Variants in RALY observed in about 807,000 individuals in gnomAD.
The protein encoded by RALY is RALY heterogeneous nuclear ribonucleoprotein.
RALY carries 15 observed loss-of-function variants against 30.7 expected under a neutral mutation model. That is an observed-to-expected ratio of 0.49 (90% CI 0.33 to 0.75). The LOEUF (loss-of-function observed/expected upper bound fraction) is 0.75. Among genes scored for constraint, RALY ranks in the 30% least tolerant of loss-of-function variants. The probability of loss-of-function intolerance (pLI) is 0.02; values close to 1 mark genes in which losing one functional copy is unlikely to be tolerated. For synonymous variants in RALY, 177 were observed against 170.8 expected (o/e 1.04, Z -0.28); for missense variants, 339 against 414.3 (o/e 0.82, Z 1.58).
chr20:34,070,974 C>A (rs1258186445), intron 2 of RALY, among the ~76,000 whole-genome samples: 1 of 152,116 alleles, frequency 6.6e-6, no homozygotes, highest in Non-Finnish European at 1.5e-5. Context: ...GGGAAGTAGA[C>A]ACGTCTTCAT....
rs901426578 is a variant in RALY at position 34,000,186 on chromosome 20, A to G, written c.-93+6055A>G. Among the ~76,000 whole-genome samples the G allele has an allele frequency of 5.9e-5, 9 of 152,310 alleles. No individual in the cohort carries two copies. The South Asian group carries it at 1.9e-3, about 32-fold the overall frequency. ...TGTAAGGAAATTGTGCTCAGGGTGC[A>G]GCTCACAGACCCTTAGGAATAGAGA... is the stretch of plus-strand genomic sequence containing the variant. On this transcript the variant is annotated intron_variant, in intron 1 of 9. Transcript: ENST00000246194.
chr20:34,024,672 T>C (rs2031952435), intron 1 of RALY, among the ~76,000 whole-genome samples: 1 of 152,212 alleles, frequency 6.6e-6, no homozygotes, highest in Non-Finnish European at 1.5e-5. Flanking sequence ...TTTGATACAC[T>C]GGGCATCCTG....
chr20:34,075,735 G>A, intron 5 of RALY, 139 bp from the exon 6 acceptor site: 1 of 959,320 alleles, frequency 1.0e-6, no homozygotes, highest in East Asian at 2.7e-5. Flanking sequence ...TTCACTCCAG[G>A]GCTTGCTAGG....
chr20:34,017,956 G>A (rs1482290348), intron 1 of RALY, among the ~76,000 whole-genome samples: 1 of 152,186 alleles, frequency 6.6e-6, no homozygotes, highest in Non-Finnish European at 1.5e-5. Context: ...GGAATTCTGA[G>A]ATTCCAAAGG....
At chr20:34,046,722 C>G (rs2032892918) in intron 2 of RALY, among the ~76,000 whole-genome samples, 1 of 121,644 alleles carries the variant, frequency 8.2e-6, no homozygotes. Flanking sequence ...TAGATAGAGG[C>G]CAGGTTAGGA....
rs2033957514 is a variant in RALY, at chr20:34,078,520, A to G, written c.892A>G (p.Thr298Ala). 5 of 1,587,032 alleles carry G rather than the reference A, an allele frequency of 3.2e-6. No homozygotes were observed. The South Asian group carries it at 3.5e-5, about 11-fold the overall frequency. ...TCCCTATCAGGAACACAGCCAGGAC[A>G]CAGACGCGGATGATGGGGCCTTGCA... ...SEEELEHSQD[T>A]DADDGALQ The change falls in exon 9 of 10, where the codon ACA becomes GCA. Residue 298 changes from threonine to alanine, a missense_variant. This residue lies in a region of RALY where 268 missense variants were observed against 280.6 expected (regional missense o/e 0.95). Transcript: ENST00000246194.
At chr20:34,065,045 T>G (rs574272156) in intron 2 of RALY, 1 of 152,322 alleles carries the variant, frequency 6.6e-6, no homozygotes, top group South Asian at 2.1e-4. Context: ...AAAAAACAGG[T>G]TCCCAGAGAG....
Position 34,025,024 on chromosome 20 carries a change from G to A in RALY, c.-92-6498G>A, listed in dbSNP as rs570897411. Among the ~76,000 whole-genome samples the A allele has an allele frequency of 4.0e-3, 603 of 152,330 alleles. 6 individuals carry two copies. The highest frequency in any genetic ancestry group is 0.014 in the African/African-American group (579 of 41,570). ...AATAGATTGGCAAGTTGGCTTGTGG[G>A]ACAAGGGCTATTTGCCCTGTGCCTT... On this transcript the variant is annotated intron_variant, in intron 1 of 9. Coordinates refer to ENST00000246194, the MANE Select transcript of RALY (RefSeq NM_016732.3).
intron 2 of RALY, among the ~76,000 whole-genome samples, chr20:34,036,545 A>G (rs2032503084): frequency 6.6e-6 from 1 of 152,208 alleles, no homozygotes; most frequent in South Asian, 2.1e-4. Flanking sequence ...GGGTGGCCTC[A>G]TGGAATGAAT....
intron 2 of RALY, among the ~76,000 whole-genome samples, chr20:34,063,060 C>G (rs902731381): frequency 6.6e-6 from 1 of 152,240 alleles, no homozygotes; most frequent in Non-Finnish European, 1.5e-5. Context: ...GAGACCAGCT[C>G]TGGTCTCGCA....
chr20:34,031,907 G>A (rs1465036913), intron 2 of RALY, among the ~76,000 whole-genome samples: 1 of 152,126 alleles, frequency 6.6e-6, no homozygotes, highest in African/African-American at 2.4e-5. Flanking sequence ...GGCTATCCTG[G>A]GACCTGGCGG....
At chr20:34,042,291 G>A (rs1348575019) in intron 2 of RALY, among the ~76,000 whole-genome samples, 8 of 152,114 alleles carry the variant, frequency 5.3e-5, no homozygotes, top group Non-Finnish European at 1.0e-4. Flanking sequence ...TTCGTAAAAC[G>A]ACACTGACCT....
chr20:34,052,505 C>G (rs1228511904), intron 2 of RALY, among the ~76,000 whole-genome samples: 1 of 152,184 alleles, frequency 6.6e-6, no homozygotes, highest in East Asian at 1.9e-4. Flanking sequence ...CTTTTCTAGC[C>G]AGCAAATCCT....
Position 34,013,722 on chromosome 20 carries a change from G to A in RALY, c.-92-17800G>A, listed in dbSNP as rs117145068. On this transcript the variant is annotated intron_variant, in intron 1 of 9. Transcript: ENST00000246194. ...ACTGCTGTAGTTGTACTCTAGTGCT[G>A]TGTCACACCCAAATCCTCTCTCATT... Among the ~76,000 whole-genome samples, 106 of 152,296 alleles carry A rather than the reference G, an allele frequency of 7.0e-4. 1 individual carries two copies. The East Asian group carries it at 0.019, about 27-fold the overall frequency.
intron 2 of RALY, among the ~76,000 whole-genome samples, chr20:34,067,174 C>T (rs1174628129): frequency 1.3e-5 from 2 of 152,182 alleles, no homozygotes; most frequent in Non-Finnish European, 2.9e-5. Context: ...GTGCAGCATT[C>T]AGTAATTAGT....
intron 1 of RALY, among the ~76,000 whole-genome samples, chr20:33,996,019 G>C (rs756362483): frequency 1.3e-5 from 2 of 152,140 alleles, no homozygotes; most frequent in African/African-American, 2.4e-5. Flanking sequence ...TTTAAGCACA[G>C]GTGTACTAGT....
At chr20:34,048,730 C>T (rs889563583) in intron 2 of RALY, among the ~76,000 whole-genome samples, 6 of 151,846 alleles carry the variant, frequency 4.0e-5, no homozygotes, top group Non-Finnish European at 8.8e-5. Flanking sequence ...GTGGCGGGCG[C>T]CTGTAGTCCC....
At chr20:34,025,750 C>T (rs1328011801) in intron 1 of RALY, among the ~76,000 whole-genome samples, 1 of 151,860 alleles carries the variant, frequency 6.6e-6, no homozygotes, top group Non-Finnish European at 1.5e-5. Flanking sequence ...AAATCGTCTT[C>T]GGTCCCCAGG....
At chr20:34,045,909 G>T (rs1408697635) in intron 2 of RALY, among the ~76,000 whole-genome samples, 3 of 152,176 alleles carry the variant, frequency 2.0e-5, no homozygotes, top group Non-Finnish European at 4.4e-5. Context: ...CTTGCCGTCT[G>T]GTGTCTGGCT....
Sources: allele counts gnomAD v4.1 joint callset (sites outside exome capture counted in the v4.1 genomes callset), GRCh38; gene constraint gnomAD v4.1.1; regional missense constraint gnomAD v4.1.1; transcripts MANE v1.5; gene names NCBI Gene and HGNC (gene_info 2026-07-23, HGNC 2026-07-21).